Variants in DIAPH2 observed in about 807,000 individuals in gnomAD.
The protein encoded by DIAPH2 is diaphanous related formin 2.
A neutral mutation model predicts 92.7 loss-of-function variants in DIAPH2; 35 were observed. That is an observed-to-expected ratio of 0.38 (90% CI 0.29 to 0.50). The LOEUF (loss-of-function observed/expected upper bound fraction) is 0.50. Among genes scored for constraint, DIAPH2 ranks in the 20% least tolerant of loss-of-function variants. The pLI, the probability that DIAPH2 is intolerant of heterozygous loss-of-function variation, is 0.94. For missense variants in DIAPH2, 701 were observed against 819.5 expected (o/e 0.86, Z 1.77); for synonymous variants, 301 against 280.4 (o/e 1.07, Z -0.73).
At chrX:97,421,576 G>A (rs749190403) in intron 25 of DIAPH2, among the ~76,000 whole-genome samples, 8 of 111,777 alleles carry the variant, frequency 7.2e-5, no homozygotes, top group African/African-American at 2.6e-4. Context: ...ACAATTTTGC[G>A]TTTCTATTTA....
chrX:97,181,970 T>C (rs1432597423), intron 22 of DIAPH2, among the ~76,000 whole-genome samples: 1 of 112,124 alleles, frequency 8.9e-6, no homozygotes, highest in Non-Finnish European at 1.9e-5. Context: ...CCAAGATTCA[T>C]CAACCATTTG....
At chrX:97,197,698 A>G (rs1280253052) in intron 22 of DIAPH2, among the ~76,000 whole-genome samples, 4 of 111,716 alleles carry the variant, frequency 3.6e-5, no homozygotes, top group African/African-American at 9.8e-5. Context: ...TACCAGGGGC[A>G]TGGTAGGGTG....
At chrX:96,811,666 A>G in intron 4 of DIAPH2, among the ~76,000 whole-genome samples, 1 of 111,651 alleles carries the variant, frequency 9.0e-6, no homozygotes, top group Non-Finnish European at 1.9e-5. Flanking sequence ...TTTCTCATAA[A>G]TAGCTCTTAT....
chrX:97,560,529 G>A (rs183076499), intron 26 of DIAPH2, among the ~76,000 whole-genome samples: 3 of 110,515 alleles, frequency 2.7e-5, no homozygotes, highest in African/African-American at 9.9e-5. Flanking sequence ...TTTCACTCTT[G>A]TCACCCAGGC....
chrX:97,578,138 G>A (rs1301000352), intron 26 of DIAPH2, among the ~76,000 whole-genome samples: 1 of 101,462 alleles, frequency 9.9e-6, no homozygotes, highest in Non-Finnish European at 2.0e-5. Context: ...GCAGTTTATT[G>A]GCACTGCATA....
intron 1 of DIAPH2, among the ~76,000 whole-genome samples, chrX:96,732,963 G>A: frequency 8.9e-6 from 1 of 111,940 alleles, no homozygotes; most frequent in Non-Finnish European, 1.9e-5. Context: ...ATAGCCCAGG[G>A]CTGAATCATA....
At chrX:96,873,394 ATTGT>A (rs2065156577) in intron 4 of DIAPH2, among the ~76,000 whole-genome samples, 1 of 110,564 alleles carries the variant, frequency 9.0e-6, no homozygotes, top group South Asian at 3.9e-4. Context: ...CTCTTTGTTG[ATTGT>A]TTGCTTTGCA....
At chrX:97,275,905 A>G (rs1471209307) in intron 23 of DIAPH2, among the ~76,000 whole-genome samples, 1 of 112,385 alleles carries the variant, frequency 8.9e-6, no homozygotes, top group Non-Finnish European at 1.9e-5. Context: ...CAATCTCCGC[A>G]CTTTGGGAGG....
At chrX:96,952,196 T>C (rs148088033) in intron 15 of DIAPH2, among the ~76,000 whole-genome samples, 2,899 of 111,606 alleles carry the variant, frequency 0.026, 47 homozygotes, top group South Asian at 0.05. Flanking sequence ...TGTCTTTCTT[T>C]CTAACCTCAG....
intron 15 of DIAPH2, among the ~76,000 whole-genome samples, chrX:96,950,220 T>G (rs891740993): frequency 9.0e-6 from 1 of 111,390 alleles, no homozygotes; most frequent in African/African-American, 3.3e-5. Context: ...CTTTTCTTTT[T>G]TGTGTATATT....
chrX:96,863,362 C>G (rs1387299708), intron 4 of DIAPH2, among the ~76,000 whole-genome samples: 1 of 107,508 alleles, frequency 9.3e-6, no homozygotes, highest in Admixed American at 1.0e-4. Context: ...TTATTGAAAC[C>G]ATATATCCAT....
chrX:97,467,918 C>T (rs1305552225), intron 26 of DIAPH2, among the ~76,000 whole-genome samples: 1 of 111,399 alleles, frequency 9.0e-6, no homozygotes, highest in African/African-American at 3.3e-5. Context: ...TATTTGGAGG[C>T]CATGCCAGTT....
At chrX:97,115,521 G>A (rs2067010601) in intron 21 of DIAPH2, among the ~76,000 whole-genome samples, 1 of 111,198 alleles carries the variant, frequency 9.0e-6, no homozygotes, top group Non-Finnish European at 1.9e-5. Flanking sequence ...AAGCAACAGA[G>A]CAAGACTCTG....
chrX:97,090,298 C>CTTTTTTTTTTTTTTT lies in DIAPH2; in HGVS notation c.2248-9374_2248-9360dup, dbSNP rs760073834. Among the ~76,000 whole-genome samples, 2 of 38,871 alleles carry CTTTTTTTTTTTTTTT rather than the reference C, an allele frequency of 5.1e-5. 1 individual carries two copies. The highest frequency in any genetic ancestry group is 7.2e-4 in the Admixed American group (2 of 2,783). The allele number at this position is 38,871 out of a possible 115,157, so 33.8% of individuals were successfully genotyped here. A position where few individuals can be genotyped will look rare whatever the true frequency, so the allele number is the denominator to read the frequency against. ...GTGATCCTCTGATTGTCTCTGATCC[C>CTTTTTTTTTTTTTTT]TTTTTTTTTTTTTTTTTTTTTTTTT... On this transcript the variant is annotated intron_variant, in intron 19 of 26. Coordinates refer to ENST00000324765, the MANE Select transcript of DIAPH2 (RefSeq NM_006729.5).
chrX:97,505,427 T>TA (rs1440851553), intron 26 of DIAPH2, among the ~76,000 whole-genome samples: 1 of 112,115 alleles, frequency 8.9e-6, no homozygotes, highest in Non-Finnish European at 1.9e-5. Flanking sequence ...ACAAACATCT[T>TA]AGATTGTGCA....
At chrX:97,316,397 T>A (rs1321002009) in intron 23 of DIAPH2, among the ~76,000 whole-genome samples, 1 of 107,121 alleles carries the variant, frequency 9.3e-6, no homozygotes, top group Non-Finnish European at 1.9e-5. Flanking sequence ...ATCCCAACAC[T>A]TTGGGAGGCC....
intron 16 of DIAPH2, among the ~76,000 whole-genome samples, chrX:96,963,038 C>T (rs771216236): frequency 8.9e-6 from 1 of 111,905 alleles, no homozygotes; most frequent in South Asian, 3.7e-4. Context: ...GATGAATTCC[C>T]TCAGTTTTTG....
intron 22 of DIAPH2, among the ~76,000 whole-genome samples, chrX:97,155,171 GATT>G (rs1170335567): frequency 1.8e-5 from 2 of 111,862 alleles, no homozygotes; most frequent in African/African-American, 6.5e-5. Context: ...ATAAATTATT[GATT>G]ATCACAAAAT....
chrX:96,955,338 C>T (rs974545440), intron 15 of DIAPH2, among the ~76,000 whole-genome samples: 2 of 111,716 alleles, frequency 1.8e-5, no homozygotes, highest in African/African-American at 6.5e-5. Flanking sequence ...ATTATCTCCC[C>T]CTGGTCCCGC....
Sources: allele counts gnomAD v4.1 joint callset (sites outside exome capture counted in the v4.1 genomes callset), GRCh38; gene constraint gnomAD v4.1.1; transcripts MANE v1.5; gene names NCBI Gene and HGNC (gene_info 2026-07-23, HGNC 2026-07-21).